The following FHIT variants were observed in gnomAD, a reference collection of about 807,000 sequenced individuals.
The protein encoded by FHIT is bis(5'-adenosyl)-triphosphatase.
In FHIT, 19 loss-of-function variants were observed where a neutral mutation model predicts 17.9. That is an observed-to-expected ratio of 1.06 (90% CI 0.74 to 1.56). FHIT has a LOEUF of 1.56. FHIT is among the 40% of genes most tolerant of loss of function. FHIT has a pLI of 0.00. For missense variants in FHIT, 248 were observed against 189.2 expected (o/e 1.31, Z -1.82); for synonymous variants, 81 against 69.7 (o/e 1.16, Z -0.81).
At chr3:60,189,623 C>T (rs1466537850) in intron 5 of FHIT, among the ~76,000 whole-genome samples, 4 of 152,196 alleles carry the variant, frequency 2.6e-5, no homozygotes, top group Non-Finnish European at 2.9e-5. Context: ...CCAGCCTCCA[C>T]ATTTTACCTG....
chr3:60,672,211 G>A (rs576318599), intron 4 of FHIT, among the ~76,000 whole-genome samples: 50 of 152,160 alleles, frequency 3.3e-4, no homozygotes, highest in East Asian at 1.4e-3. Flanking sequence ...TTTCATGCAC[G>A]TCCGTGTGAA....
intron 8 of FHIT, among the ~76,000 whole-genome samples, chr3:59,900,152 C>G (rs1053180659): frequency 1.3e-5 from 2 of 152,192 alleles, no homozygotes; most frequent in African/African-American, 4.8e-5. Context: ...ATTCCCCACT[C>G]TGGTAGCCAC....
intron 5 of FHIT, among the ~76,000 whole-genome samples, chr3:60,412,549 G>A (rs556494615): frequency 2.0e-4 from 31 of 152,052 alleles, no homozygotes; most frequent in Middle Eastern, 6.8e-3. Context: ...AGTCAAGTGA[G>A]AGTGCCATTT....
rs1400596443 is a variant in FHIT at position 59,901,846 on chromosome 3, C to T, written c.348+20500G>A. 2.6e-5 allele frequency among the ~76,000 whole-genome samples: 4 copies of T among 152,094 alleles called. No individual in the cohort carries two copies. In the East Asian group the frequency reaches 7.7e-4, roughly 29 times the overall value. On this transcript the variant is annotated intron_variant, in intron 8 of 9. Transcript: ENST00000492590. ...CTTGTAATATTAACAGCAGCATTCA[C>T]AGAACGATTATTCATAAGAAGCAAA... is the stretch of plus-strand genomic sequence containing the variant.
At chr3:60,822,690 T>C (rs1553739714) in intron 3 of FHIT, among the ~76,000 whole-genome samples, 3 of 152,208 alleles carry the variant, frequency 2.0e-5, no homozygotes, top group African/African-American at 7.2e-5. Context: ...GGATTTTTTT[T>C]TTCTAAATGA....
chr3:60,559,774 A>T (rs1236480990), intron 4 of FHIT, among the ~76,000 whole-genome samples: 1 of 122,770 alleles, frequency 8.1e-6, no homozygotes, highest in Non-Finnish European at 1.8e-5. Context: ...GGGCACTTAC[A>T]CCATTTCTTA....
chr3:60,423,899 C>T (rs554249883), intron 5 of FHIT, among the ~76,000 whole-genome samples: 3 of 152,078 alleles, frequency 2.0e-5, no homozygotes, highest in Non-Finnish European at 2.9e-5. Flanking sequence ...TTTCCCCCAC[C>T]TTTTCTCTTC....
chr3:59,942,841 G>A (rs911483316), intron 7 of FHIT, among the ~76,000 whole-genome samples: 7 of 151,824 alleles, frequency 4.6e-5, no homozygotes, highest in Non-Finnish European at 8.8e-5. Context: ...TACAGACAGA[G>A]TCTCACTATG....
intron 1 of FHIT, among the ~76,000 whole-genome samples, chr3:61,206,616 G>C (rs1307638829): frequency 1.3e-5 from 2 of 152,118 alleles, no homozygotes; most frequent in Non-Finnish European, 2.9e-5. Flanking sequence ...TTCACTCTCT[G>C]TTTGTCTGTT....
At chr3:60,422,746 T>TGG (rs1053978715) in intron 5 of FHIT, among the ~76,000 whole-genome samples, 1 of 152,118 alleles carries the variant, frequency 6.6e-6, no homozygotes, top group African/African-American at 2.4e-5. Context: ...AATAGCAGCC[T>TGG]GGGTGATCTT....
At chr3:60,983,958 A>C (rs180969626) in intron 3 of FHIT, among the ~76,000 whole-genome samples, 1 of 152,350 alleles carries the variant, frequency 6.6e-6, no homozygotes, top group Admixed American at 6.5e-5. Flanking sequence ...TGAAATGATA[A>C]AGACAAAAAC....
At chr3:60,477,741 T>A (rs452203) in intron 5 of FHIT, among the ~76,000 whole-genome samples, 76,797 of 152,008 alleles carry the variant, frequency 0.51, 21,712 homozygotes, top group African/African-American at 0.75. Context: ...AAACTTGCAT[T>A]TGTCTCAGGA....
chr3:60,090,489 C>T (rs879800093), intron 5 of FHIT, among the ~76,000 whole-genome samples: 4 of 152,118 alleles, frequency 2.6e-5, no homozygotes, highest in African/African-American at 7.2e-5. Flanking sequence ...ATTTTCTTTA[C>T]GTGATTGATG....
intron 5 of FHIT, among the ~76,000 whole-genome samples, chr3:60,163,831 C>CA (rs1701041616): frequency 6.6e-6 from 1 of 152,146 alleles, no homozygotes. Flanking sequence ...CCCTAGAGGA[C>CA]AAAATCACTC....
intron 4 of FHIT, among the ~76,000 whole-genome samples, chr3:60,603,816 C>A (rs542343346): frequency 6.7e-6 from 1 of 149,768 alleles, no homozygotes; most frequent in Middle Eastern, 3.2e-3. Flanking sequence ...CACTATAAGG[C>A]TCTGTTTCAT....
chr3:60,758,210 T>A (rs1380735908), intron 4 of FHIT, among the ~76,000 whole-genome samples: 1 of 152,190 alleles, frequency 6.6e-6, no homozygotes, highest in African/African-American at 2.4e-5. Context: ...CAGGTCCCAA[T>A]AACCTTCCCT....
At chr3:60,018,038 C>T (rs115554869) in intron 5 of FHIT, among the ~76,000 whole-genome samples, 2,729 of 152,260 alleles carry the variant, frequency 0.018, 83 homozygotes, top group African/African-American at 0.057. Context: ...GGGTCGTTTA[C>T]AAAGAAAAGA....
At chr3:61,171,826 T>C (rs1389493115) in intron 2 of FHIT, among the ~76,000 whole-genome samples, 1 of 152,248 alleles carries the variant, frequency 6.6e-6, no homozygotes, top group Admixed American at 6.5e-5. Flanking sequence ...ATCTACATTG[T>C]ACCAAGATCC....
chr3:60,697,750 G>A (rs934079656), intron 4 of FHIT, among the ~76,000 whole-genome samples: 7 of 151,866 alleles, frequency 4.6e-5, no homozygotes, highest in African/African-American at 1.5e-4. Context: ...TGTGTCCAGC[G>A]GACTATAAAC....
Sources: allele counts gnomAD v4.1 joint callset (sites outside exome capture counted in the v4.1 genomes callset), GRCh38; gene constraint gnomAD v4.1.1; transcripts MANE v1.5; gene names NCBI Gene and HGNC (gene_info 2026-07-23, HGNC 2026-07-21).